EPC2: variants seen among roughly 807,000 people sequenced by gnomAD.
EPC2 encodes the protein enhancer of polycomb 2.
EPC2 carries 14 observed loss-of-function variants against 92.1 expected under a neutral mutation model. The ratio of observed to expected loss-of-function variants is 0.15; its 90% confidence interval spans 0.10 to 0.24. EPC2 has a LOEUF of 0.24. Ranked by LOEUF, EPC2 falls within the 10% of genes least tolerant of loss-of-function variation. The pLI, the probability that EPC2 is intolerant of heterozygous loss-of-function variation, is 1.00. For missense variants in EPC2, 755 were observed against 971.5 expected, an observed-to-expected ratio of 0.78 and a Z score of 2.96; for synonymous variants, 340 against 334.7, an observed-to-expected ratio of 1.02 and a Z score of -0.17.
chr2:148,677,988 C>T lies in EPC2; in HGVS notation c.154-12226C>T, dbSNP rs567610730. Among the ~76,000 whole-genome samples the T allele has an allele frequency of 1.3e-3, 196 of 152,236 alleles. 1 individual carries two copies. The highest frequency in any genetic ancestry group is 5.7e-4 in the Non-Finnish European group (39 of 68,012). On this transcript the variant is annotated intron_variant, in intron 1 of 13. Transcript: ENST00000258484. Reference sequence around the variant, plus strand: ...AGCTTCCACAGTGTGGAAGGGGACCCGAGCGGGTTGCCACTGCTGGCTCCC... The same window carrying T: ...AGCTTCCACAGTGTGGAAGGGGACCTGAGCGGGTTGCCACTGCTGGCTCCC...
At chr2:148,739,079 G>A (rs1574614661) in intron 2 of EPC2, among the ~76,000 whole-genome samples, 1 of 152,144 alleles carries the variant, frequency 6.6e-6, no homozygotes, top group African/African-American at 2.4e-5. Context: ...CTTCTCCCAG[G>A]TTCACAGTTC....
At chr2:148,771,495 AC>A in intron 10 of EPC2, 108 bp downstream of exon 10, 1 of 1,051,906 alleles carries the variant, frequency 9.5e-7, no homozygotes, top group African/African-American at 1.6e-5. Flanking sequence ...AACCTAAGAA[AC>A]AAAATTGTTC....
chr2:148,755,633 G>A (rs1683175605), intron 4 of EPC2, among the ~76,000 whole-genome samples: 1 of 152,164 alleles, frequency 6.6e-6, no homozygotes, highest in Non-Finnish European at 1.5e-5. Flanking sequence ...ATTCAGTACA[G>A]TAACACACTG....
chr2:148,698,855 T>G, intron 2 of EPC2, among the ~76,000 whole-genome samples: 1 of 149,798 alleles, frequency 6.7e-6, no homozygotes. Flanking sequence ...AAAAAAGCAT[T>G]ATACTCTGTG....
chr2:148,655,503 A>G (rs1051786769), intron 1 of EPC2, among the ~76,000 whole-genome samples: 55 of 152,362 alleles, frequency 3.6e-4, no homozygotes, highest in African/African-American at 1.2e-3. Context: ...CAAAATAATG[A>G]TAAATATAAA....
At chr2:148,647,987 T>C (rs1022653075) in intron 1 of EPC2, among the ~76,000 whole-genome samples, 2 of 152,254 alleles carry the variant, frequency 1.3e-5, no homozygotes, top group Non-Finnish European at 2.9e-5. Context: ...AACTAGAGCA[T>C]GAGTGCTAAA....
chr2:148,664,680 G>T lies in EPC2; in HGVS notation c.153+19510G>T, dbSNP rs192947099. 3.3e-5 allele frequency among the ~76,000 whole-genome samples: 5 copies of T among 152,258 alleles called. 2 individuals carry two copies. The highest frequency in any genetic ancestry group is 1.3e-4 in the Admixed American group (2 of 15,296). ...TCAGGCAAACGCTCATCTGCTTTCTGTTACTGTAGATTAGTGGTTTGCATT... is the reference window on the plus strand; with the variant it reads ...TCAGGCAAACGCTCATCTGCTTTCTTTTACTGTAGATTAGTGGTTTGCATT... On this transcript the variant is annotated intron_variant, in intron 1 of 13. Transcript: ENST00000258484.
intron 2 of EPC2, among the ~76,000 whole-genome samples, chr2:148,736,570 A>G (rs1190538770): frequency 2.6e-5 from 4 of 152,178 alleles, no homozygotes; most frequent in African/African-American, 4.8e-5. Flanking sequence ...GGCCTGACCT[A>G]TGAAATATGC....
At chr2:148,725,016 T>C (rs1478876530) in intron 2 of EPC2, among the ~76,000 whole-genome samples, 2 of 152,080 alleles carry the variant, frequency 1.3e-5, no homozygotes, top group Non-Finnish European at 2.9e-5. Flanking sequence ...ACTTTGGCCT[T>C]GTTCTAGTAG....
At chr2:148,675,446 C>T (rs543762819) in intron 1 of EPC2, among the ~76,000 whole-genome samples, 48 of 152,174 alleles carry the variant, frequency 3.2e-4, no homozygotes, top group Non-Finnish European at 5.7e-4. Flanking sequence ...CTTGTCTTCT[C>T]GTTTTAAGAT....
intron 10 of EPC2, among the ~76,000 whole-genome samples, chr2:148,771,934 G>A (rs1038427867): frequency 2.6e-5 from 4 of 151,984 alleles, no homozygotes; most frequent in African/African-American, 9.7e-5. Context: ...AAATAGCTGG[G>A]ACTACAGGCG....
At chr2:148,659,608 A>C (rs1680894015) in intron 1 of EPC2, among the ~76,000 whole-genome samples, 1 of 152,136 alleles carries the variant, frequency 6.6e-6, no homozygotes, top group Non-Finnish European at 1.5e-5. Context: ...TATTGTGACT[A>C]GGCACTCTGG....
At chr2:148,759,251 C>T (rs956321765) in intron 4 of EPC2, among the ~76,000 whole-genome samples, 5 of 152,134 alleles carry the variant, frequency 3.3e-5, no homozygotes, top group African/African-American at 1.2e-4. Flanking sequence ...CATCACCACA[C>T]CCAGCTAATT....
rs138688664 is a variant in EPC2, at chr2:148,785,112, A to G, written c.2351+111A>G. Reference sequence around the variant, plus strand: ...CAATAGGTGTTTATTGACAGACTTGATTTTCAATAGATACTGAAGATCTGT... The same window carrying G: ...CAATAGGTGTTTATTGACAGACTTGGTTTTCAATAGATACTGAAGATCTGT... On this transcript the variant is annotated intron_variant, in intron 13 of 13. Transcript: ENST00000258484. The G allele has an allele frequency of 7.3e-5, 62 of 848,490 alleles. No homozygotes were observed. In the East Asian group the frequency reaches 1.8e-3, roughly 24 times the overall value. The allele number at this position is 848,490 out of a possible 1,614,324, so 52.6% of individuals were successfully genotyped here.
chr2:148,676,027 A>T (rs1681254731), intron 1 of EPC2, among the ~76,000 whole-genome samples: 2 of 152,150 alleles, frequency 1.3e-5, no homozygotes, highest in East Asian at 3.8e-4. Flanking sequence ...ATAGAACCTT[A>T]GTTCATTCGT....
At chr2:148,688,792 A>G (rs902719357) in intron 1 of EPC2, among the ~76,000 whole-genome samples, 4 of 152,178 alleles carry the variant, frequency 2.6e-5, no homozygotes, top group African/African-American at 9.7e-5. Flanking sequence ...TATTTTGGCC[A>G]TTGTACTAGG....
chr2:148,644,830 GCGGGC>G lies in EPC2; in HGVS notation c.-187_-183del, dbSNP rs1683758896. On this transcript the variant is annotated 5_prime_UTR_variant, in exon 1 of 14. Transcript: ENST00000258484. ...GCGGATCTAGTGTGTGGAGGCGGCC[GCGGGC>G]GCGGGGGGCTGTTTTCGGGCGGGGT... 9.2e-4 allele frequency among the ~76,000 whole-genome samples: 11 copies of G among 11,938 alleles called. No homozygotes were observed. Among genetic ancestry groups the G allele is most frequent in the African/African-American group, 1.8e-3 (6 of 3,352 alleles). 7.8% of individuals were successfully genotyped at this position (11,938 alleles called of 152,430 possible). A position where few individuals can be genotyped will look rare whatever the true frequency, so the allele number is the denominator to read the frequency against.
At chr2:148,720,224 A>G (rs1181162179) in intron 2 of EPC2, among the ~76,000 whole-genome samples, 3 of 152,198 alleles carry the variant, frequency 2.0e-5, no homozygotes, top group Non-Finnish European at 1.5e-5. Context: ...ATATCTGGCA[A>G]AGCTGCTGAG....
chr2:148,773,078 G>A (rs1051889577), intron 10 of EPC2, among the ~76,000 whole-genome samples: 1 of 151,996 alleles, frequency 6.6e-6, no homozygotes. Context: ...ATACATTCCA[G>A]ATTAACTCTA....
Sources: gnomAD v4.1 joint callset for allele counts (sites outside exome capture counted in the v4.1 genomes callset) on GRCh38, gnomAD v4.1.1 for gene constraint, MANE v1.5 for transcripts, NCBI Gene and HGNC (gene_info 2026-07-23, HGNC 2026-07-21) for gene names.